DCT: variants seen among roughly 807,000 people sequenced by gnomAD.
The protein encoded by DCT is dopachrome tautomerase, also known as L-dopachrome tautomerase.
DCT carries 47 observed loss-of-function variants against 53.0 expected under a neutral mutation model. The observed-to-expected ratio is 0.89, with a 90% confidence interval of 0.70 to 1.13. DCT has a LOEUF of 1.13. Among genes scored for constraint, DCT ranks in the 50% most tolerant of loss-of-function variants. The probability of loss-of-function intolerance (pLI) is 0.00; values close to 1 mark genes in which losing one functional copy is unlikely to be tolerated. For missense variants in DCT, 669 were observed against 637.4 expected (o/e 1.05, Z -0.53); for synonymous variants, 244 against 237.0 (o/e 1.03, Z -0.27).
chr13:94,539,094 GT>G, the DCT span, among the ~76,000 whole-genome samples: 1 of 152,118 alleles, frequency 6.6e-6, no homozygotes, highest in Non-Finnish European at 1.5e-5. Flanking sequence ...AAAATTCTTA[GT>G]CCCCTGCTTT....
the DCT span, among the ~76,000 whole-genome samples, chr13:94,497,797 A>G: frequency 6.6e-6 from 1 of 152,020 alleles, no homozygotes; most frequent in Non-Finnish European, 1.5e-5. Flanking sequence ...GGCATGCTCC[A>G]TGTAACTTTT....
At chr13:94,529,867 A>C in the DCT span, among the ~76,000 whole-genome samples, 1 of 152,220 alleles carries the variant, frequency 6.6e-6, no homozygotes, top group Non-Finnish European at 1.5e-5. Context: ...TTCTTTGAAA[A>C]GATCAACAAA....
intron 1 of DCT, among the ~76,000 whole-genome samples, chr13:94,476,437 G>A (rs1885089519): frequency 6.7e-6 from 1 of 148,230 alleles, no homozygotes; most frequent in Admixed American, 6.7e-5. Context: ...ATGCAATGCA[G>A]ATTTACAACT....
the DCT span, among the ~76,000 whole-genome samples, chr13:94,497,001 G>A: frequency 6.6e-6 from 1 of 152,194 alleles, no homozygotes; most frequent in Non-Finnish European, 1.5e-5. Flanking sequence ...TTCTTCAGTC[G>A]AGCCTCTGGG....
intron 6 of DCT, among the ~76,000 whole-genome samples, chr13:94,457,315 C>T (rs1488613239): frequency 6.6e-6 from 1 of 152,104 alleles, no homozygotes; most frequent in Non-Finnish European, 1.5e-5. Context: ...AGGTCAGAAC[C>T]ATAGGGCCCT....
At chr13:94,519,943 A>C in the DCT span, among the ~76,000 whole-genome samples, 13 of 152,222 alleles carry the variant, frequency 8.5e-5, no homozygotes, top group Admixed American at 6.5e-4. Flanking sequence ...GTGGCAATTA[A>C]GGACATCTAA....
At chr13:94,447,472 C>T (rs902175925) in intron 6 of DCT, among the ~76,000 whole-genome samples, 1 of 152,232 alleles carries the variant, frequency 6.6e-6, no homozygotes, top group African/African-American at 2.4e-5. Flanking sequence ...TACCATCCAC[C>T]TGCTGTGTGG....
At chr13:94,518,074 AAAG>A in the DCT span, among the ~76,000 whole-genome samples, 1 of 150,218 alleles carries the variant, frequency 6.7e-6, no homozygotes, top group Non-Finnish European at 1.5e-5. Context: ...AAAGAAAAGA[AAAG>A]AAGGAAGGAA....
chr13:94,527,247 T>G, the DCT span, among the ~76,000 whole-genome samples: 1 of 152,080 alleles, frequency 6.6e-6, no homozygotes, highest in Non-Finnish European at 1.5e-5. Context: ...GACTTAAATG[T>G]CCCTGTCTGA....
the DCT span, among the ~76,000 whole-genome samples, chr13:94,516,078 C>A: frequency 1.6e-5 from 2 of 126,960 alleles, no homozygotes; most frequent in Non-Finnish European, 1.6e-5. Context: ...GAGCTCCTCA[C>A]CTCTTATGGT....
rs1210772658 is a variant in DCT at position 94,468,851 on chromosome 13, G to GC, written c.489dup (p.Leu164AlafsTer20). The GC allele has an allele frequency of 3.1e-6, 5 of 1,614,082 alleles. No individual in the cohort carries two copies. The highest frequency in any genetic ancestry group is 2.7e-5 in the African/African-American group (2 of 74,934). On this transcript the variant is annotated frameshift_variant, in exon 2 of 8. Transcript: ENST00000377028. LOFTEE classifies it high-confidence loss of function. ...GTTCCATTGGGCCCAAGCAGGCCCA[G>GC]CCAGTGTTGTGTGGTGATCACGTAG...
the DCT span, among the ~76,000 whole-genome samples, chr13:94,510,869 C>G: frequency 5.3e-5 from 8 of 152,192 alleles, no homozygotes; most frequent in Admixed American, 2.6e-4. Context: ...TCTACTTGTC[C>G]ACTAGACAAA....
the DCT span, among the ~76,000 whole-genome samples, chr13:94,504,122 G>A: frequency 6.6e-6 from 1 of 152,214 alleles, no homozygotes; most frequent in South Asian, 2.1e-4. Context: ...GAAAAGTGGT[G>A]CAATCCTTGT....
chr13:94,457,147 GA>G (rs1883461554), intron 6 of DCT, among the ~76,000 whole-genome samples: 1 of 152,166 alleles, frequency 6.6e-6, no homozygotes. Flanking sequence ...AAAAAGAAAA[GA>G]AAAACAAACT....
chr13:94,519,583 T>C, the DCT span, among the ~76,000 whole-genome samples: 2 of 152,184 alleles, frequency 1.3e-5, no homozygotes, highest in East Asian at 1.9e-4. Context: ...TTATATGGGG[T>C]TTGCACTGCA....
the DCT span, among the ~76,000 whole-genome samples, chr13:94,510,878 A>G: frequency 6.6e-6 from 1 of 152,202 alleles, no homozygotes; most frequent in Non-Finnish European, 1.5e-5. Context: ...CCACTAGACA[A>G]AAGCCTGCAA....
chr13:94,465,619 A>G lies in DCT; in HGVS notation c.863+14T>C. On this transcript the variant is annotated intron_variant, in intron 4 of 7. Transcript: ENST00000377028. ...ACAATCTCTGGATGCCATTGCAGGTACAGGAGCCATTACCTATCACAGACA... is the reference window on the plus strand; with the variant it reads ...ACAATCTCTGGATGCCATTGCAGGTGCAGGAGCCATTACCTATCACAGACA... 6.2e-7 allele frequency: 1 copy of G among 1,611,940 alleles called. No individual in the cohort carries two copies. Among genetic ancestry groups the G allele is most frequent in the Admixed American group, 1.7e-5 (1 of 59,880 alleles).
At chr13:94,484,142 G>A (rs748212864), upstream of DCT, among the ~76,000 whole-genome samples, 1 of 152,166 alleles carries the variant, frequency 6.6e-6, no homozygotes, top group Non-Finnish European at 1.5e-5. Flanking sequence ...CCAGGACCCA[G>A]GGGGAAACAG....
the DCT span, among the ~76,000 whole-genome samples, chr13:94,513,038 G>A: frequency 6.6e-6 from 1 of 152,158 alleles, no homozygotes. Flanking sequence ...TTCAGAGAAC[G>A]TGCCATTCTG....
Sources: allele counts gnomAD v4.1 joint callset (sites outside exome capture counted in the v4.1 genomes callset), GRCh38; gene constraint gnomAD v4.1.1; transcripts MANE v1.5; gene names NCBI Gene and HGNC (gene_info 2026-07-23, HGNC 2026-07-21).